TENT5D: variants seen among roughly 807,000 people sequenced by gnomAD.
TENT5D encodes the protein cancer/testis antigen 112.
For synonymous variants in TENT5D, 103 were observed against 100.6 expected, an observed-to-expected ratio of 1.02 and a Z score of -0.15; for missense variants, 191 against 287.0, an observed-to-expected ratio of 0.67 and a Z score of 2.42.
At chrX:80,377,419 T>C (rs1341938806) in intron 3 of TENT5D, among the ~76,000 whole-genome samples, 1 of 111,060 alleles carries the variant, frequency 9.0e-6, no homozygotes, top group Non-Finnish European at 1.9e-5. Context: ...CAGTGTGTGA[T>C]GTTCCCCGCC....
intron 3 of TENT5D, among the ~76,000 whole-genome samples, chrX:80,409,079 G>A (rs1931572730): frequency 9.1e-6 from 1 of 109,351 alleles, no homozygotes. Context: ...CAATAAATTA[G>A]GTATTGATGG....
intron 2 of TENT5D, among the ~76,000 whole-genome samples, chrX:80,340,045 A>T (rs1289867900): frequency 9.0e-6 from 1 of 111,097 alleles, no homozygotes; most frequent in East Asian, 2.8e-4. Flanking sequence ...TTAAAAGATG[A>T]TATGGTAGGA....
chrX:80,432,403 G>T (rs762303859), intron 1 of TENT5D, among the ~76,000 whole-genome samples: 4 of 111,334 alleles, frequency 3.6e-5, no homozygotes, highest in Admixed American at 2.9e-4. Flanking sequence ...ACACGTGAGG[G>T]CAAAGGGGGA....
intron 3 of TENT5D, among the ~76,000 whole-genome samples, chrX:80,398,041 T>C (rs1481044328): frequency 1.8e-5 from 2 of 112,182 alleles, no homozygotes; most frequent in African/African-American, 3.2e-5. Flanking sequence ...CAACAACATA[T>C]AGGCATTCCC....
Position 80,358,296 on chromosome X carries a change from A to G in TENT5D, c.-142+15732A>G, listed in dbSNP as rs913499170. 8.9e-5 allele frequency among the ~76,000 whole-genome samples: 10 copies of G among 111,897 alleles called. No homozygotes were observed. The East Asian group carries it at 2.5e-3, about 28-fold the overall frequency. ...TAAAACACCAAAAGCAATGGCAACA[A>G]AAGCCAAAATTGACAAATGGGATCT... is the stretch of plus-strand genomic sequence containing the variant. On this transcript the variant is annotated intron_variant, in intron 3 of 4. Transcript: ENST00000538312.
intron 3 of TENT5D, among the ~76,000 whole-genome samples, chrX:80,343,102 A>G (rs112579142): frequency 1.3e-4 from 15 of 111,675 alleles, no homozygotes; most frequent in Non-Finnish European, 2.8e-4. Flanking sequence ...TACAATTAAG[A>G]TGAAGATTTA....
chrX:80,367,027 T>A (rs1163789089), intron 3 of TENT5D, among the ~76,000 whole-genome samples: 1 of 111,530 alleles, frequency 9.0e-6, no homozygotes, highest in African/African-American at 3.3e-5. Context: ...ACCAATGATT[T>A]TATAGATATG....
chrX:80,404,933 T>A (rs1459637489), intron 3 of TENT5D, among the ~76,000 whole-genome samples: 1 of 112,046 alleles, frequency 8.9e-6, no homozygotes, highest in Non-Finnish European at 1.9e-5. Context: ...CAATAAAACA[T>A]AAATCTGTTA....
chrX:80,408,064 A>G (rs1489832800), intron 3 of TENT5D, among the ~76,000 whole-genome samples: 1 of 108,564 alleles, frequency 9.2e-6, no homozygotes, highest in Non-Finnish European at 1.9e-5. Flanking sequence ...GAGAACAAAG[A>G]CACAACATAC....
intron 3 of TENT5D, among the ~76,000 whole-genome samples, chrX:80,407,474 T>G (rs1931527227): frequency 9.2e-6 from 1 of 108,226 alleles, no homozygotes; most frequent in African/African-American, 3.4e-5. Context: ...AAACAGACTT[T>G]AAACCAACAA....
chrX:80,400,483 A>C (rs1442216902), intron 3 of TENT5D, among the ~76,000 whole-genome samples: 3 of 111,917 alleles, frequency 2.7e-5, no homozygotes, highest in African/African-American at 9.7e-5. Flanking sequence ...ACAACTTGGC[A>C]TCCACACATA....
chrX:80,356,119 G>A (rs1364343237), intron 3 of TENT5D, among the ~76,000 whole-genome samples: 1 of 112,073 alleles, frequency 8.9e-6, no homozygotes, highest in African/African-American at 3.2e-5. Flanking sequence ...TTTATTCAGA[G>A]ATAGAACTGT....
chrX:80,415,505 A>T (rs1244798367), upstream of TENT5D, among the ~76,000 whole-genome samples: 1 of 111,991 alleles, frequency 8.9e-6, no homozygotes, highest in African/African-American at 3.2e-5. Context: ...ATTTTTTAAC[A>T]TAAATGGATG....
intron 3 of TENT5D, among the ~76,000 whole-genome samples, chrX:80,372,555 A>C (rs1930643078): frequency 9.0e-6 from 1 of 110,939 alleles, no homozygotes; most frequent in African/African-American, 3.3e-5. Flanking sequence ...TGCATATGTA[A>C]TGTTGAACCA....
At chrX:80,444,702 T>G (rs1932352551) in exon 3 of TENT5D, 1 of 122,905 alleles carries the variant, frequency 8.1e-6, no homozygotes, top group Admixed American at 9.6e-5. Flanking sequence ...TCATTTTGCC[T>G]TTACCAAAGA....
upstream of TENT5D, among the ~76,000 whole-genome samples, chrX:80,417,280 G>GAGGC (rs1931795806): frequency 9.1e-6 from 1 of 110,416 alleles, no homozygotes; most frequent in South Asian, 3.9e-4. Flanking sequence ...CCTTTTACTT[G>GAGGC]AGGCATTTAA....
intron 3 of TENT5D, among the ~76,000 whole-genome samples, chrX:80,415,163 G>A (rs911674989): frequency 8.9e-6 from 1 of 111,888 alleles, no homozygotes; most frequent in African/African-American, 3.2e-5. Context: ...ATTTGATGAA[G>A]TTGTTTATCA....
intron 1 of TENT5D, among the ~76,000 whole-genome samples, chrX:80,422,306 C>G (rs1306168420): frequency 1.8e-5 from 2 of 110,840 alleles, no homozygotes; most frequent in East Asian, 5.7e-4. Context: ...AACCCCGTCT[C>G]TACTAAAAAT....
rs772176958 is a variant in TENT5D, at chrX:80,381,473, CTCTG to C, written c.-142+38911_-142+38914del. ...TCTCGAGGAGTATCTTTGTGGTGTT[CTCTG>C]TATTTCCTGAATTTGAATGTTGACC... On this transcript the variant is annotated intron_variant, in intron 3 of 4. Coordinates refer to the TENT5D transcript ENST00000538312. Among the ~76,000 whole-genome samples, 509 of 110,876 alleles carry C rather than the reference CTCTG, an allele frequency of 4.6e-3. 7 individuals are homozygous for C. Among genetic ancestry groups the C allele is most frequent in the African/African-American group, 0.016 (483 of 30,528 alleles).
Sources: gnomAD v4.1 joint callset for allele counts (sites outside exome capture counted in the v4.1 genomes callset) on GRCh38, gnomAD v4.1.1 for gene constraint, MANE v1.5 for transcripts, NCBI Gene and HGNC (gene_info 2026-07-23, HGNC 2026-07-21) for gene names.